Variants in DCAF6 observed in about 807,000 individuals in gnomAD.
The protein encoded by DCAF6 is DDB1- and CUL4-associated factor 6.
A neutral mutation model predicts 125.1 loss-of-function variants in DCAF6; 54 were observed. The ratio of observed to expected loss-of-function variants is 0.43; its 90% CI spans 0.35 to 0.54. The LOEUF is 0.54. DCAF6 is among the 20% of genes least tolerant of loss of function. DCAF6 has a pLI of 0.01. For missense variants in DCAF6, 934 were observed against 1,161.7 expected, an observed-to-expected ratio of 0.80 and a Z score of 2.85; for synonymous variants, 371 against 390.4, an observed-to-expected ratio of 0.95 and a Z score of 0.58.
intron 17 of DCAF6, among the ~76,000 whole-genome samples, chr1:168,053,218 A>G (rs1377834449): frequency 6.6e-6 from 1 of 152,146 alleles, no homozygotes; most frequent in Non-Finnish European, 1.5e-5. Flanking sequence ...TGTACTACCT[A>G]TCACAGTGCA....
At chr1:167,999,446 C>T (rs1198055253) in intron 7 of DCAF6, among the ~76,000 whole-genome samples, 1 of 152,168 alleles carries the variant, frequency 6.6e-6, no homozygotes, top group Non-Finnish European at 1.5e-5. Flanking sequence ...GCATCAGCTT[C>T]TCCTCTCTAG....
chr1:168,057,740 T>C (rs1354431299), intron 17 of DCAF6, among the ~76,000 whole-genome samples: 1 of 152,158 alleles, frequency 6.6e-6, no homozygotes, highest in Non-Finnish European at 1.5e-5. Flanking sequence ...TTTGCAGGGC[T>C]TTGAGAGTAT....
chr1:168,063,583 T>C, intron 17 of DCAF6, 38 bp from the exon 18 acceptor site: 1 of 1,401,444 alleles, frequency 7.1e-7, no homozygotes, highest in African/African-American at 1.5e-5. Flanking sequence ...GTGAATATTT[T>C]TATTTATTTT....
intron 1 of DCAF6, among the ~76,000 whole-genome samples, chr1:167,946,656 A>G (rs1376535056): frequency 6.6e-6 from 1 of 152,044 alleles, no homozygotes; most frequent in Non-Finnish European, 1.5e-5. Context: ...CATTCTGTTG[A>G]TATGATGTAT....
intron 3 of DCAF6, among the ~76,000 whole-genome samples, chr1:167,968,851 AAAGTG>A (rs1676862569): frequency 6.6e-6 from 1 of 152,244 alleles, no homozygotes; most frequent in Non-Finnish European, 1.5e-5. Flanking sequence ...ATAATCTATA[AAAGTG>A]AAGGGTAAAT....
chr1:168,031,996 TC>T lies in DCAF6; in HGVS notation c.1610-6374del, dbSNP rs199698110. 9.5e-3 allele frequency among the ~76,000 whole-genome samples: 1,442 copies of T among 152,254 alleles called. 18 individuals are homozygous for T. The highest frequency in any genetic ancestry group is 0.033 in the African/African-American group (1,358 of 41,502). The stretch of plus-strand genomic sequence containing the variant: ...TAGGAATGTGGAACCAAGCACAGTT[TC>T]AATCTAAATGTATCGAAATCACATA... On this transcript the variant is annotated intron_variant, in intron 12 of 21. Transcript: ENST00000367840.
chr1:168,020,302 A>G (rs918878472), intron 11 of DCAF6, among the ~76,000 whole-genome samples: 2 of 152,216 alleles, frequency 1.3e-5, no homozygotes, highest in Non-Finnish European at 2.9e-5. Flanking sequence ...TACTGAGTAG[A>G]AAAACCACAT....
intron 4 of DCAF6, among the ~76,000 whole-genome samples, chr1:167,978,163 T>A (rs1196100600): frequency 6.6e-6 from 1 of 152,230 alleles, no homozygotes; most frequent in Admixed American, 6.5e-5. Flanking sequence ...TCTATGCTGT[T>A]GGAAGTTTGG....
the DCAF6 span, among the ~76,000 whole-genome samples, chr1:167,895,332 C>A: frequency 6.6e-6 from 1 of 152,170 alleles, no homozygotes; most frequent in Non-Finnish European, 1.5e-5. Context: ...TCTCCTTCAT[C>A]TCTGGAGCTT....
intron 17 of DCAF6, among the ~76,000 whole-genome samples, chr1:168,061,159 C>G (rs1691542473): frequency 6.6e-6 from 1 of 152,196 alleles, no homozygotes. Context: ...ATTCTCACCT[C>G]CCAGTCAGAA....
At chr1:167,915,161 T>TAAG in the DCAF6 span, among the ~76,000 whole-genome samples, 1,323 of 152,300 alleles carry the variant, frequency 8.7e-3, 16 homozygotes, top group African/African-American at 0.03. Context: ...TATGATTTTA[T>TAAG]AAGTTAAAAA....
chr1:167,973,472 G>C (rs183452742), intron 3 of DCAF6, among the ~76,000 whole-genome samples: 78 of 152,136 alleles, frequency 5.1e-4, no homozygotes, highest in African/African-American at 1.5e-3. Flanking sequence ...ACTTCTGTTT[G>C]AATCGGTTGT....
the DCAF6 span, chr1:167,880,243 T>A: frequency 6.7e-7 from 1 of 1,486,676 alleles, no homozygotes; most frequent in Non-Finnish European, 9.3e-7. Flanking sequence ...ATAATGAGCG[T>A]AGAGAAAGTG....
chr1:167,936,073 C>T (rs1571529424), upstream of DCAF6: 2 of 572,698 alleles, frequency 3.5e-6, no homozygotes, highest in Non-Finnish European at 6.3e-6. Flanking sequence ...CGGTCCGCCT[C>T]CGGCCCCCGG....
intron 3 of DCAF6, among the ~76,000 whole-genome samples, chr1:167,967,434 T>C (rs1487058735): frequency 6.6e-6 from 1 of 152,184 alleles, no homozygotes; most frequent in East Asian, 1.9e-4. Context: ...ACAAGGATGG[T>C]TTCAGAGAAA....
chr1:167,893,523 G>A, the DCAF6 span, among the ~76,000 whole-genome samples: 1 of 151,782 alleles, frequency 6.6e-6, no homozygotes, highest in Non-Finnish European at 1.5e-5. Flanking sequence ...GATCAGTCAG[G>A]CCAACATGGT....
At chr1:168,068,328 C>T in intron 20 of DCAF6, 30 bp from the exon 21 acceptor site, 1 of 1,502,296 alleles carries the variant, frequency 6.7e-7, no homozygotes, top group Non-Finnish European at 9.2e-7. Context: ...ACTTTATGAT[C>T]TTTGATACGA....
Position 168,012,377 on chromosome 1 carries a change from A to G in DCAF6, c.1379-3404A>G, listed in dbSNP as rs574282024. Among the ~76,000 whole-genome samples, 40 of 152,318 alleles carry G rather than the reference A, an allele frequency of 2.6e-4. 1 individual carries two copies. The South Asian group carries it at 4.4e-3, about 17-fold the overall frequency. ...AGAAGAAAACAAGAATAGGGTTTGTAGTTTGAGGAGATGACAAAGTACAAT... is the reference window on the plus strand; with the variant it reads ...AGAAGAAAACAAGAATAGGGTTTGTGGTTTGAGGAGATGACAAAGTACAAT... On this transcript the variant is annotated intron_variant, in intron 10 of 21. Transcript: ENST00000367840.
intron 3 of DCAF6, among the ~76,000 whole-genome samples, chr1:167,973,974 G>A (rs1677746367): frequency 6.6e-6 from 1 of 152,034 alleles, no homozygotes. Flanking sequence ...CCTTCCACTG[G>A]TATTACCGTT....
Sources: allele counts gnomAD v4.1 joint callset (sites outside exome capture counted in the v4.1 genomes callset), GRCh38; gene constraint gnomAD v4.1.1; transcripts MANE v1.5; gene names NCBI Gene and HGNC (gene_info 2026-07-23, HGNC 2026-07-21).